The following NR2F1-AS1 variants were observed in gnomAD, a reference collection of about 807,000 sequenced individuals.
NR2F1-AS1 encodes NR2F1 regulatory antisense RNA 1.
At chr5:93,562,423 A>G (rs943394328) in intron 2 of NR2F1-AS1, among the ~76,000 whole-genome samples, 1 of 151,614 alleles carries the variant, frequency 6.6e-6, no homozygotes, top group African/African-American at 2.4e-5. Context: ...TCCCAAGGAG[A>G]TGGGTCCACA....
intron 4 of NR2F1-AS1, among the ~76,000 whole-genome samples, chr5:93,467,886 C>A (rs867447844): frequency 9.8e-5 from 15 of 152,312 alleles, no homozygotes; most frequent in South Asian, 2.1e-4. Flanking sequence ...CAACTCCCAC[C>A]TATGAGTGAG....
chr5:93,467,143 C>G (rs767665758), intron 4 of NR2F1-AS1, among the ~76,000 whole-genome samples: 1 of 152,148 alleles, frequency 6.6e-6, no homozygotes, highest in Non-Finnish European at 1.5e-5. Context: ...CTCAAGTGAT[C>G]CATCCGCCTT....
chr5:93,484,883 G>T (rs1453221609), intron 4 of NR2F1-AS1, among the ~76,000 whole-genome samples: 1 of 152,008 alleles, frequency 6.6e-6, no homozygotes, highest in East Asian at 1.9e-4. Flanking sequence ...TTGCATATTG[G>T]TGAAGGAATC....
upstream of NR2F1-AS1, among the ~76,000 whole-genome samples, chr5:93,582,141 G>A (rs1351777060): frequency 9.1e-6 from 1 of 110,304 alleles, no homozygotes; most frequent in Non-Finnish European, 1.7e-5. Flanking sequence ...CCATCTTCTC[G>A]TTTGTTTGCT....
At chr5:93,486,159 T>C (rs1386366572) in intron 4 of NR2F1-AS1, among the ~76,000 whole-genome samples, 2 of 141,328 alleles carry the variant, frequency 1.4e-5, no homozygotes, top group African/African-American at 2.6e-5. Flanking sequence ...ATATACCTAA[T>C]GCTAGATGAC....
intron 4 of NR2F1-AS1, among the ~76,000 whole-genome samples, chr5:93,473,726 T>C (rs1580256937): frequency 6.6e-6 from 1 of 151,446 alleles, no homozygotes; most frequent in Non-Finnish European, 1.5e-5. Context: ...AAATCCCTTT[T>C]TGAGATACAA....
At chr5:93,550,296 C>T (rs774493733) in intron 4 of NR2F1-AS1, among the ~76,000 whole-genome samples, 1 of 152,078 alleles carries the variant, frequency 6.6e-6, no homozygotes, top group Admixed American at 6.6e-5. Context: ...CCCCTTCATT[C>T]GGTTTAACGA....
chr5:93,480,411 C>T (rs2149874778), intron 4 of NR2F1-AS1, among the ~76,000 whole-genome samples: 1 of 152,170 alleles, frequency 6.6e-6, no homozygotes, highest in South Asian at 2.1e-4. Flanking sequence ...AATTTATATA[C>T]AGCAAAATAC....
intron 2 of NR2F1-AS1, among the ~76,000 whole-genome samples, chr5:93,555,319 GGAAA>G (rs1330239027): frequency 1.3e-5 from 2 of 152,134 alleles, no homozygotes; most frequent in Non-Finnish European, 2.9e-5. Flanking sequence ...CTAAAAGGAA[GGAAA>G]AACTGGCTTT....
At chr5:93,541,816 G>C (rs1337165632) in intron 4 of NR2F1-AS1, 2 of 151,616 alleles carry the variant, frequency 1.3e-5, no homozygotes, top group Admixed American at 1.3e-4. Flanking sequence ...AATAAGGAAA[G>C]CAAGACACTC....
At chr5:93,556,985 T>C (rs991405622) in intron 2 of NR2F1-AS1, among the ~76,000 whole-genome samples, 5 of 152,208 alleles carry the variant, frequency 3.3e-5, no homozygotes, top group South Asian at 2.1e-4. Context: ...CAAAAAAATA[T>C]CTTGCTATTC....
chr5:93,433,256 T>A (rs1157513765), intron 4 of NR2F1-AS1, among the ~76,000 whole-genome samples: 1 of 152,168 alleles, frequency 6.6e-6, no homozygotes, highest in Non-Finnish European at 1.5e-5. Context: ...TTGGGTTTTC[T>A]CCTTTAAGGA....
chr5:93,568,817 TC>T (rs1752674781), intron 1 of NR2F1-AS1, among the ~76,000 whole-genome samples: 1 of 152,118 alleles, frequency 6.6e-6, no homozygotes, highest in Non-Finnish European at 1.5e-5. Flanking sequence ...AGCAATTTAA[TC>T]CAGTGAAATC....
intron 4 of NR2F1-AS1, among the ~76,000 whole-genome samples, chr5:93,533,221 T>C (rs1009674446): frequency 6.6e-6 from 1 of 152,230 alleles, no homozygotes; most frequent in Admixed American, 6.5e-5. Context: ...TGAGTACAAA[T>C]GTGGCCAGAT....
At chr5:93,441,510 G>A (rs1027478478) in intron 4 of NR2F1-AS1, among the ~76,000 whole-genome samples, 12 of 152,092 alleles carry the variant, frequency 7.9e-5, no homozygotes, top group South Asian at 4.1e-4. Flanking sequence ...GTCATTAGTC[G>A]GTTGCCCCCA....
At chr5:93,510,521 T>C (rs931769897) in intron 4 of NR2F1-AS1, among the ~76,000 whole-genome samples, 2 of 152,150 alleles carry the variant, frequency 1.3e-5, no homozygotes, top group African/African-American at 4.8e-5. Context: ...TCAAAGAACC[T>C]CATTTTTCAA....
intron 4 of NR2F1-AS1, among the ~76,000 whole-genome samples, chr5:93,537,132 C>A (rs983228541): frequency 6.6e-6 from 1 of 152,098 alleles, no homozygotes; most frequent in Non-Finnish European, 1.5e-5. Flanking sequence ...TGGACTAATA[C>A]ACTCATCATG....
At chr5:93,419,011 C>A (rs990732613) in intron 4 of NR2F1-AS1, among the ~76,000 whole-genome samples, 18 of 152,210 alleles carry the variant, frequency 1.2e-4, no homozygotes, top group African/African-American at 4.3e-4. Flanking sequence ...TTCTAGGAAT[C>A]TATCTTACAG....
chr5:93,425,738 A>G (rs1554061770), intron 4 of NR2F1-AS1, among the ~76,000 whole-genome samples: 1 of 152,064 alleles, frequency 6.6e-6, no homozygotes, highest in Non-Finnish European at 1.5e-5. Context: ...GGCATAATTA[A>G]TTATTCCCTC....
Sources: allele counts gnomAD v4.1 joint callset (sites outside exome capture counted in the v4.1 genomes callset), GRCh38; gene constraint gnomAD v4.1.1; transcripts MANE v1.5; gene names NCBI Gene and HGNC (gene_info 2026-07-23, HGNC 2026-07-21).